DCLK1: variants seen among roughly 807,000 people sequenced by gnomAD.
DCLK1 encodes the protein doublecortin like kinase 1.
A neutral mutation model predicts 86.2 loss-of-function variants in DCLK1; 16 were observed. The ratio of observed to expected loss-of-function variants is 0.19; its 90% confidence interval spans 0.13 to 0.28. The LOEUF (loss-of-function observed/expected upper bound fraction) is 0.28. Among genes scored for constraint, DCLK1 ranks in the 10% least tolerant of loss-of-function variants. DCLK1 has a pLI of 1.00. For synonymous variants in DCLK1, 369 were observed against 370.5 expected, an observed-to-expected ratio of 1.00 and a Z score of 0.05; for missense variants, 590 against 940.2, an observed-to-expected ratio of 0.63 and a Z score of 4.87.
chr13:35,865,682 G>A (rs1871741021), intron 5 of DCLK1, among the ~76,000 whole-genome samples: 1 of 152,150 alleles, frequency 6.6e-6, no homozygotes, highest in South Asian at 2.1e-4. Flanking sequence ...TAGTTGGTCT[G>A]TAACTGATAG....
Position 36,125,782 on chromosome 13 carries a change from C to G in DCLK1, c.356G>C (p.Ser119Thr), listed in dbSNP as rs763530579. 3 of 1,613,820 alleles carry G rather than the reference C, an allele frequency of 1.9e-6. No homozygotes were observed. The South Asian group carries it at 3.3e-5, about 18-fold the overall frequency. The change falls in exon 2 of 17, where the codon AGC becomes ACC. Residue 119 changes from serine to threonine, a missense_variant. Ser to Thr is a moderately conservative substitution (Grantham distance 58). Coordinates refer to ENST00000360631, the MANE Select transcript of DCLK1 (RefSeq NM_001330071.2). ...CTCACCTTCCACCAGTTGGTCCAGGCTGGAAATCTTCTTGAGCCCATCAAT... is the reference window on the plus strand; with the variant it reads ...CTCACCTTCCACCAGTTGGTCCAGGGTGGAAATCTTCTTGAGCCCATCAAT... ...YTIDGLKKIS[S>T]LDQLVEGESY...
chr13:36,062,152 C>T (rs1008603963), intron 3 of DCLK1, among the ~76,000 whole-genome samples: 2 of 152,000 alleles, frequency 1.3e-5, no homozygotes, highest in African/African-American at 4.8e-5. Context: ...TAAACAGGAA[C>T]ACCTACATTA....
chr13:35,906,592 C>T (rs1874702968), intron 4 of DCLK1, among the ~76,000 whole-genome samples: 1 of 152,068 alleles, frequency 6.6e-6, no homozygotes, highest in African/African-American at 2.4e-5. Context: ...CTAGGAGTGG[C>T]CCAGTTAGAC....
intron 3 of DCLK1, among the ~76,000 whole-genome samples, chr13:35,948,995 T>C (rs1877527272): frequency 6.6e-6 from 1 of 152,178 alleles, no homozygotes; most frequent in Non-Finnish European, 1.5e-5. Flanking sequence ...TCTTCTAGCA[T>C]CATCTCAATC....
At chr13:35,867,324 T>A (rs991460565) in intron 5 of DCLK1, among the ~76,000 whole-genome samples, 4 of 152,352 alleles carry the variant, frequency 2.6e-5, no homozygotes, top group African/African-American at 9.6e-5. Context: ...CAGTGTTATA[T>A]AATTAACTTT....
At chr13:36,024,129 C>A (rs1006571445) in intron 3 of DCLK1, among the ~76,000 whole-genome samples, 3 of 151,532 alleles carry the variant, frequency 2.0e-5, no homozygotes, top group Non-Finnish European at 4.4e-5. Flanking sequence ...CTCCTGACCT[C>A]GTGATCCACC....
chr13:35,802,675 C>T (rs2086945725), intron 15 of DCLK1, among the ~76,000 whole-genome samples: 1 of 152,008 alleles, frequency 6.6e-6, no homozygotes, highest in Admixed American at 6.5e-5. Context: ...AAAAAGCCAC[C>T]ATTCTTCAAC....
At chr13:36,051,790 G>C (rs1831618131) in intron 3 of DCLK1, among the ~76,000 whole-genome samples, 1 of 152,056 alleles carries the variant, frequency 6.6e-6, no homozygotes, top group Admixed American at 6.6e-5. Context: ...TGGACTAAAA[G>C]TACAATGCCC....
chr13:35,778,152 T>C (rs2086458794), intron 16 of DCLK1, among the ~76,000 whole-genome samples: 1 of 152,236 alleles, frequency 6.6e-6, no homozygotes, highest in South Asian at 2.1e-4. Context: ...ACAATAGAGG[T>C]GATCTGCTTC....
rs184510555 is a variant in DCLK1, at chr13:35,954,841, T to A, written c.724-7384A>T. 3.7e-3 allele frequency among the ~76,000 whole-genome samples: 558 copies of A among 151,896 alleles called. 2 individuals are homozygous for A. Among genetic ancestry groups the A allele is most frequent in the African/African-American group, 0.011 (463 of 41,440 alleles). On this transcript the variant is annotated intron_variant, in intron 3 of 16. Transcript: ENST00000360631. ...AACATGAAGCTCTAAGACTTTTTTT[T>A]AAAAAAAATGGATAATACTGTTGAA...
intron 3 of DCLK1, among the ~76,000 whole-genome samples, chr13:35,947,883 T>G (rs759813184): frequency 2.6e-5 from 4 of 152,164 alleles, no homozygotes; most frequent in Non-Finnish European, 5.9e-5. Flanking sequence ...CAAAGAAAAA[T>G]ACTTCTCTCA....
intron 3 of DCLK1, among the ~76,000 whole-genome samples, chr13:35,992,180 C>T (rs1341989663): frequency 6.6e-6 from 1 of 152,110 alleles, no homozygotes; most frequent in Non-Finnish European, 1.5e-5. Flanking sequence ...CTGAAAATCT[C>T]AATTTTTAAC....
At chr13:35,825,928 T>C (rs577697986) in intron 10 of DCLK1, among the ~76,000 whole-genome samples, 13 of 151,992 alleles carry the variant, frequency 8.6e-5, no homozygotes, top group Non-Finnish European at 1.8e-4. Flanking sequence ...TTCTCCTGCC[T>C]CAGCCTCCCA....
chr13:36,036,880 G>T (rs1392773829), intron 3 of DCLK1, among the ~76,000 whole-genome samples: 1 of 152,084 alleles, frequency 6.6e-6, no homozygotes, highest in African/African-American at 2.4e-5. Context: ...CCTCTACTGG[G>T]TGTATATCCA....
chr13:35,834,973 T>C (rs1467003812), intron 8 of DCLK1, among the ~76,000 whole-genome samples: 1 of 152,116 alleles, frequency 6.6e-6, no homozygotes, highest in Non-Finnish European at 1.5e-5. Context: ...AGCACATAAG[T>C]GACTATTGGC....
At chr13:35,834,767 G>T (rs972792661) in intron 8 of DCLK1, among the ~76,000 whole-genome samples, 1 of 152,140 alleles carries the variant, frequency 6.6e-6, no homozygotes, top group Non-Finnish European at 1.5e-5. Flanking sequence ...GATTTTTCAA[G>T]CTCCCTATGA....
At chr13:35,970,673 C>T (rs1184146340) in intron 3 of DCLK1, among the ~76,000 whole-genome samples, 1 of 152,138 alleles carries the variant, frequency 6.6e-6, no homozygotes, top group East Asian at 1.9e-4. Flanking sequence ...TGGACCCTTA[C>T]CAGACACCTA....
chr13:35,828,207 C>T (rs757557114), intron 9 of DCLK1, 43 bp downstream of exon 9: 20 of 1,500,028 alleles, frequency 1.3e-5, no homozygotes, highest in South Asian at 2.3e-5. Context: ...TTCTTTTGAC[C>T]TCTTGAACAC....
chr13:35,963,985 CA>C (rs1441446734), intron 3 of DCLK1, among the ~76,000 whole-genome samples: 3 of 152,088 alleles, frequency 2.0e-5, no homozygotes, highest in African/African-American at 7.2e-5. Context: ...TTGAGAAAAG[CA>C]ATTTCTTTTT....
Sources: gnomAD v4.1 joint callset for allele counts (sites outside exome capture counted in the v4.1 genomes callset) on GRCh38, gnomAD v4.1.1 for gene constraint, MANE v1.5 for transcripts, NCBI Gene and HGNC (gene_info 2026-07-23, HGNC 2026-07-21) for gene names.